Variants in WNT9B observed in about 807,000 individuals in gnomAD.
The protein encoded by WNT9B is Wnt family member 9B.
Under a neutral mutation model 30.2 loss-of-function variants are expected in WNT9B, and 12 were observed. The observed-to-expected ratio is 0.40, with a 90% CI of 0.26 to 0.64. The LOEUF (loss-of-function observed/expected upper bound fraction) is 0.64, where lower values mean the gene tolerates loss of function less well. WNT9B is among the 30% of genes least tolerant of loss of function. The pLI is 0.42. For missense variants in WNT9B, 442 were observed against 485.2 expected, an observed-to-expected ratio of 0.91 and a Z score of 0.84; for synonymous variants, 218 against 216.9, an observed-to-expected ratio of 1.01 and a Z score of -0.05.
intron 1 of WNT9B, among the ~76,000 whole-genome samples, chr17:46,863,197 G>A (rs2085072741): frequency 6.6e-6 from 1 of 152,212 alleles, no homozygotes; most frequent in South Asian, 2.1e-4. Flanking sequence ...TTGGCGGTGG[G>A]GCGTTAGGTG....
rs186619855 is a variant in WNT9B, at chr17:46,868,451, C to G, written c.78-4066C>G. Among the ~76,000 whole-genome samples the G allele has an allele frequency of 2.0e-3, 303 of 152,206 alleles. 2 individuals are homozygous for G. The highest frequency in any genetic ancestry group is 7.1e-3 in the African/African-American group (296 of 41,534). On this transcript the variant is annotated intron_variant, in intron 1 of 3. Transcript: ENST00000290015. ...TACTAAAAATACACAAAAAAAATAG[C>G]TGGGCGTGGTGGCACGTGCCCATAA...
chr17:46,870,047 C>G (rs774189602), intron 1 of WNT9B, among the ~76,000 whole-genome samples: 1 of 152,080 alleles, frequency 6.6e-6, no homozygotes, highest in Non-Finnish European at 1.5e-5. Context: ...TATACTGTAG[C>G]TATAATGATA....
downstream of WNT9B, among the ~76,000 whole-genome samples, chr17:46,882,480 G>T (rs538320861): frequency 2.2e-4 from 33 of 152,290 alleles, no homozygotes; most frequent in African/African-American, 7.7e-4. Flanking sequence ...TTGTTGCCCA[G>T]GCTGGAGTGC....
Position 46,865,719 on chromosome 17 carries a change from G to A in WNT9B, c.78-6798G>A, listed in dbSNP as rs1036885242. Among the ~76,000 whole-genome samples, 6 of 152,096 alleles carry A rather than the reference G, an allele frequency of 3.9e-5. 1 individual carries two copies. The highest frequency in any genetic ancestry group is 1.4e-4 in the African/African-American group (6 of 41,412). ...CAGCCTTGACCTCCTGGGCTCAAGC[G>A]ATCCTCCTAGCCTGTAGCTGGAACC... On this transcript the variant is annotated intron_variant, in intron 1 of 3. Transcript: ENST00000290015.
chr17:46,841,738 G>A (rs996864941), intron 1 of WNT9B, among the ~76,000 whole-genome samples: 2 of 152,232 alleles, frequency 1.3e-5, no homozygotes, highest in Admixed American at 1.3e-4. Flanking sequence ...AGGCAGAGGA[G>A]ATGGAGGTTC....
rs757486834 is a variant in WNT9B, at chr17:46,875,224, G to C, written c.458G>C (p.Ser153Thr). 1.2e-5 allele frequency: 19 copies of C among 1,614,104 alleles called. No homozygotes were observed. In the Admixed American group the frequency reaches 3.0e-4, roughly 25 times the overall value. Residue 153 changes from serine to threonine, a missense_variant, in exon 3 of 4, where the codon AGC becomes ACC. By Grantham distance (58) the Ser-to-Thr change is moderately conservative. Transcript: ENST00000290015. ...TGTGATGACTCTCCGGGGCTGGAGA[G>C]CCGGCAGGCCTGGCAGTGGGGCGTG... ...CTCDDSPGLE[S>T]RQAWQWGVCG...
At chr17:46,859,104 G>A (rs924147231) in intron 1 of WNT9B, among the ~76,000 whole-genome samples, 2 of 151,618 alleles carry the variant, frequency 1.3e-5, no homozygotes, top group Non-Finnish European at 2.9e-5. Context: ...AGCCTCCTGA[G>A]TAGCTGGAAG....
At chr17:46,843,049 C>A (rs2084734383) in intron 1 of WNT9B, among the ~76,000 whole-genome samples, 1 of 152,216 alleles carries the variant, frequency 6.6e-6, no homozygotes. Context: ...CTATTGGAGA[C>A]ATGTGGTATT....
chr17:46,875,008 T>C lies in WNT9B; in HGVS notation c.335-93T>C, dbSNP rs376037136. ...ATCACAGCGCTGCCACCACCGCCTC[T>C]GGCCCTCAGAGGGCGGCAGGCAACC... On this transcript the variant is annotated intron_variant, in intron 2 of 3. Coordinates refer to ENST00000290015, the MANE Select transcript of WNT9B (RefSeq NM_003396.3). The C allele has an allele frequency of 2.2e-4, 356 of 1,594,618 alleles. 1 individual carries two copies. The East Asian group carries it at 5.4e-3, about 24-fold the overall frequency.
chr17:46,871,555 A>C (rs533469552), intron 1 of WNT9B, among the ~76,000 whole-genome samples: 1 of 152,318 alleles, frequency 6.6e-6, no homozygotes, highest in Admixed American at 6.5e-5. Flanking sequence ...TCCAGCTAGC[A>C]GGAAGGTAGG....
chr17:46,868,778 A>C (rs1277616934), intron 1 of WNT9B, among the ~76,000 whole-genome samples: 2 of 152,152 alleles, frequency 1.3e-5, no homozygotes, highest in African/African-American at 4.8e-5. Flanking sequence ...CAGGGCTGGG[A>C]TGCCAAACAG....
Position 46,872,749 on chromosome 17 carries a change from G to A in WNT9B, c.310G>A (p.Gly104Ser), listed in dbSNP as rs557683872. Residue 104 changes from glycine (G) to serine (S), a missense_variant, in exon 2 of 4, where the codon GGC becomes AGC. Physicochemically the swap from Gly to Ser is moderately conservative, Grantham distance 56. Transcript: ENST00000290015. ...TGAGCGCTGGAACTGTAGCCTGGAG[G>A]GCAGGATGGGCCTGCTCAAGAGAGG... is the stretch of plus-strand genomic sequence containing the variant. ...RHERWNCSLE[G>S]RMGLLKRGFK... is the part of the protein sequence containing the mutation. 101 of 1,611,042 alleles carry A rather than the reference G, an allele frequency of 6.3e-5. 2 individuals carry two copies. The South Asian group carries it at 1.1e-3, about 17-fold the overall frequency.
intron 1 of WNT9B, among the ~76,000 whole-genome samples, chr17:46,853,776 C>G (rs147944206): frequency 6.6e-6 from 1 of 152,134 alleles, no homozygotes; most frequent in Non-Finnish European, 1.5e-5. Flanking sequence ...TATCCTCTTA[C>G]ACACTGGCTC....
intron 1 of WNT9B, among the ~76,000 whole-genome samples, chr17:46,839,388 C>A (rs1015744740): frequency 6.6e-6 from 1 of 152,172 alleles, no homozygotes; most frequent in Non-Finnish European, 1.5e-5. Context: ...GCAGCACTGG[C>A]GTGGTGTCCA....
downstream of WNT9B, among the ~76,000 whole-genome samples, chr17:46,881,420 C>G (rs2085420828): frequency 6.6e-6 from 1 of 152,258 alleles, no homozygotes; most frequent in South Asian, 2.1e-4. Context: ...TCTATTTTCT[C>G]TCTTGAACCT....
intron 2 of WNT9B, among the ~76,000 whole-genome samples, chr17:46,874,098 C>T (rs1349654125): frequency 6.6e-6 from 1 of 152,034 alleles, no homozygotes; most frequent in Non-Finnish European, 1.5e-5. Context: ...CTCTGTGTCT[C>T]TCTCGGGACA....
At chr17:46,841,290 G>C (rs975493673) in intron 1 of WNT9B, among the ~76,000 whole-genome samples, 1 of 152,182 alleles carries the variant, frequency 6.6e-6, no homozygotes, top group African/African-American at 2.4e-5. Flanking sequence ...ACTTGCCCAC[G>C]GTCACCCAGC....
intron 1 of WNT9B, among the ~76,000 whole-genome samples, chr17:46,839,244 T>G (rs2084670410): frequency 6.6e-6 from 1 of 152,260 alleles, no homozygotes; most frequent in South Asian, 2.1e-4. Context: ...GAATGCTTAT[T>G]CTATTAGCTC....
chr17:46,855,132 T>C (rs758216325), intron 1 of WNT9B, among the ~76,000 whole-genome samples: 5 of 152,172 alleles, frequency 3.3e-5, no homozygotes, highest in South Asian at 4.1e-4. Flanking sequence ...GAAACCCTGC[T>C]TCCAGTCTGG....
Sources: allele counts gnomAD v4.1 joint callset (sites outside exome capture counted in the v4.1 genomes callset), GRCh38; gene constraint gnomAD v4.1.1; transcripts MANE v1.5; gene names NCBI Gene and HGNC (gene_info 2026-07-23, HGNC 2026-07-21).